TRAF3: variants seen among roughly 807,000 people sequenced by gnomAD.
TRAF3 encodes TNF receptor associated factor 3, also known as TNF receptor-associated factor 3.
Under a neutral mutation model 62.3 loss-of-function variants are expected in TRAF3, and 13 were observed. That is an observed-to-expected ratio of 0.21 (90% CI 0.14 to 0.33). The LOEUF is 0.33. TRAF3 is among the 10% of genes least tolerant of loss of function. The probability of loss-of-function intolerance (pLI) is 1.00; values close to 1 mark genes in which losing one functional copy is unlikely to be tolerated. For missense variants in TRAF3, 440 were observed against 741.8 expected, an observed-to-expected ratio of 0.59 and a Z score of 4.73; for synonymous variants, 269 against 283.4, an observed-to-expected ratio of 0.95 and a Z score of 0.51.
chr14:102,895,294 C>T, intron 9 of TRAF3: 1 of 295,938 alleles, frequency 3.4e-6, no homozygotes, highest in Non-Finnish European at 6.7e-6. Context: ...TTATATTTTG[C>T]CCATGAGACA....
At chr14:102,803,684 T>C (rs1365901715) in intron 1 of TRAF3, among the ~76,000 whole-genome samples, 1 of 151,904 alleles carries the variant, frequency 6.6e-6, no homozygotes, top group Non-Finnish European at 1.5e-5. Context: ...TAGCTGGGTG[T>C]GCACCCTGCA....
intron 1 of TRAF3, among the ~76,000 whole-genome samples, chr14:102,781,854 G>A (rs1293255688): frequency 5.4e-5 from 8 of 149,450 alleles, no homozygotes; most frequent in East Asian, 2.0e-4. Context: ...GTGCAGTGGC[G>A]CGATCTCAGC....
At chr14:102,880,697 T>C (rs937419876) in intron 6 of TRAF3, among the ~76,000 whole-genome samples, 2 of 152,158 alleles carry the variant, frequency 1.3e-5, no homozygotes, top group African/African-American at 2.4e-5. Context: ...AGCAAAGACA[T>C]GGAATCAACC....
intron 2 of TRAF3, among the ~76,000 whole-genome samples, chr14:102,859,661 G>T (rs537645257): frequency 1.3e-5 from 2 of 152,084 alleles, no homozygotes; most frequent in African/African-American, 4.8e-5. Context: ...GAATTAAAAG[G>T]CATTACGCTT....
chr14:102,780,312 G>A (rs1241083702), intron 1 of TRAF3, among the ~76,000 whole-genome samples: 1 of 151,316 alleles, frequency 6.6e-6, no homozygotes, highest in Non-Finnish European at 1.5e-5. Flanking sequence ...AGAAAATGCA[G>A]TTTTAAATAG....
At chr14:102,837,420 CAGGTGTG>C (rs991401245) in intron 2 of TRAF3, among the ~76,000 whole-genome samples, 5 of 152,108 alleles carry the variant, frequency 3.3e-5, no homozygotes, top group African/African-American at 1.2e-4. Context: ...GCTGGGATTA[CAGGTGTG>C]AGCCACCGTG....
At chr14:102,812,108 A>G (rs1297306058) in intron 1 of TRAF3, among the ~76,000 whole-genome samples, 1 of 151,680 alleles carries the variant, frequency 6.6e-6, no homozygotes, top group Non-Finnish European at 1.5e-5. Context: ...ACAGTGCTAT[A>G]GAACACTAGA....
At chr14:102,890,105 A>T (rs1458542310) in intron 8 of TRAF3, among the ~76,000 whole-genome samples, 1 of 152,148 alleles carries the variant, frequency 6.6e-6, no homozygotes, top group African/African-American at 2.4e-5. Flanking sequence ...CCAACGGGGG[A>T]CAGACGCAAA....
At chr14:102,844,733 A>T (rs1886589870) in intron 2 of TRAF3, among the ~76,000 whole-genome samples, 1 of 152,112 alleles carries the variant, frequency 6.6e-6, no homozygotes, top group South Asian at 2.1e-4. Context: ...ATTATGATGA[A>T]ATTCTATAAT....
At chr14:102,901,430 C>T (rs1467270607) in intron 10 of TRAF3, among the ~76,000 whole-genome samples, 1 of 152,206 alleles carries the variant, frequency 6.6e-6, no homozygotes, top group East Asian at 1.9e-4. Context: ...CTCGCGAGCA[C>T]CCCTGCCAGC....
intron 6 of TRAF3, among the ~76,000 whole-genome samples, chr14:102,878,854 GA>G (rs1888872928): frequency 6.6e-6 from 1 of 152,148 alleles, no homozygotes; most frequent in Non-Finnish European, 1.5e-5. Flanking sequence ...GGGAGGGTGA[GA>G]GGGGCCCCGG....
rs148765722 is a variant in TRAF3 at position 102,828,064 on chromosome 14, G to A, written c.-156-2270G>A. On this transcript the variant is annotated intron_variant, in intron 1 of 11. Transcript: ENST00000392745. ...GCACTCGTTTCCGCATTCCCACCCCGCACGGCCAGTTGTCACAGCCATCCT... is the reference window on the plus strand; with the variant it reads ...GCACTCGTTTCCGCATTCCCACCCCACACGGCCAGTTGTCACAGCCATCCT... 1.7e-3 allele frequency among the ~76,000 whole-genome samples: 260 copies of A among 152,296 alleles called. 1 individual carries two copies. The highest frequency in any genetic ancestry group is 6.1e-3 in the African/African-American group (255 of 41,574).
In TRAF3 at chr14:102,792,432, A is replaced by ATT. The variant is rs35496572; in HGVS notation, c.-157+14778_-157+14779dup. Among the ~76,000 whole-genome samples the ATT allele has an allele frequency of 6.8e-3, 832 of 122,706 alleles. 17 individuals carry two copies. Among genetic ancestry groups the ATT allele is most frequent in the African/African-American group, 0.026 (791 of 30,402 alleles). 80.5% of individuals were successfully genotyped at this position (122,706 alleles called of 152,430 possible). A position where few individuals can be genotyped will look rare whatever the true frequency, so the allele number is the denominator to read the frequency against. On this transcript the variant is annotated intron_variant, in intron 1 of 11. Transcript: ENST00000392745. ...GTGCACCAATATGCCCAGTTAATTG[A>ATT]TTTTTTTTTTTTTTTTTTTTTTAGT...
intron 1 of TRAF3, among the ~76,000 whole-genome samples, chr14:102,795,947 T>G (rs1163458604): frequency 6.6e-6 from 1 of 152,224 alleles, no homozygotes; most frequent in Admixed American, 6.5e-5. Flanking sequence ...CCGGGCATGG[T>G]TGCTCACGCC....
rs1055484803 is a variant in TRAF3 at position 102,909,155 on chromosome 14, T to C, written c.*3371T>C. On this transcript the variant is annotated 3_prime_UTR_variant, in exon 12 of 12. Transcript: ENST00000392745. ...CCAGCTGGGCTGGAGGGAGCCTGAG[T>C]GAGCCCCGACATACGCTGGGCCTTT... is the stretch of plus-strand genomic sequence containing the variant. 6.6e-6 allele frequency: 1 copy of C among 152,234 alleles called. No individual in the cohort carries two copies. The highest frequency in any genetic ancestry group is 1.9e-4 in the East Asian group (1 of 5,186). The allele number at this position is 152,234 out of a possible 1,614,324, so 9.4% of individuals were successfully genotyped here. A position where few individuals can be genotyped will look rare whatever the true frequency, so the allele number is the denominator to read the frequency against.
chr14:102,834,093 A>G (rs529114728), intron 2 of TRAF3, among the ~76,000 whole-genome samples: 1 of 152,154 alleles, frequency 6.6e-6, no homozygotes, highest in Non-Finnish European at 1.5e-5. Flanking sequence ...CAGAACTAGA[A>G]AAACACTGCT....
At chr14:102,879,351 C>CA (rs1191923489) in intron 6 of TRAF3, among the ~76,000 whole-genome samples, 2 of 152,158 alleles carry the variant, frequency 1.3e-5, no homozygotes, top group African/African-American at 4.8e-5. Context: ...CAGCTCACTG[C>CA]AGCCTCTTTC....
chr14:102,813,953 C>T (rs1020682571), intron 1 of TRAF3, among the ~76,000 whole-genome samples: 15 of 152,026 alleles, frequency 9.9e-5, no homozygotes, highest in Admixed American at 7.9e-4. Flanking sequence ...TTTTGTTGTC[C>T]GTGCTTTTCA....
intron 6 of TRAF3, 129 bp from the exon 7 acceptor site, chr14:102,886,060 G>T: frequency 2.7e-6 from 2 of 754,180 alleles, no homozygotes; most frequent in East Asian, 2.9e-5. Flanking sequence ...CATACGTAAT[G>T]TGAGTGCCAT....
Sources: allele counts gnomAD v4.1 joint callset (sites outside exome capture counted in the v4.1 genomes callset), GRCh38; gene constraint gnomAD v4.1.1; transcripts MANE v1.5; gene names NCBI Gene and HGNC (gene_info 2026-07-23, HGNC 2026-07-21).